Variants in PCDH15 observed in about 807,000 individuals in gnomAD.
PCDH15 encodes the protein protocadherin related 15, also known as protocadherin-15.
In PCDH15, 129 loss-of-function variants were observed where a neutral mutation model predicts 178.5. That is an observed-to-expected ratio of 0.72 (90% CI 0.63 to 0.84). The LOEUF is 0.84. Ranked by LOEUF, PCDH15 falls within the 40% of genes least tolerant of loss-of-function variation. The pLI is 0.00. For missense variants in PCDH15, 2,230 were observed against 2,099.9 expected (o/e 1.06, Z -1.21); for synonymous variants, 800 against 732.0 (o/e 1.09, Z -1.50).
chr10:54,479,922 C>T (rs896449365), intron 3 of PCDH15, among the ~76,000 whole-genome samples: 1 of 152,010 alleles, frequency 6.6e-6, no homozygotes, highest in African/African-American at 2.4e-5. Context: ...AATAAGTACC[C>T]ATCTCCAGAA....
intron 1 of PCDH15, among the ~76,000 whole-genome samples, chr10:55,231,813 A>T (rs1841233140): frequency 6.6e-6 from 1 of 151,984 alleles, no homozygotes. Flanking sequence ...TAAATCTTAA[A>T]TTACATATCA....
At chr10:54,173,325 A>C (rs968708272) in intron 13 of PCDH15, among the ~76,000 whole-genome samples, 1 of 152,124 alleles carries the variant, frequency 6.6e-6, no homozygotes, top group Non-Finnish European at 1.5e-5. Context: ...GCAATACTTT[A>C]AATGCTCTAC....
intron 1 of PCDH15, among the ~76,000 whole-genome samples, chr10:54,716,588 T>C (rs2132433287): frequency 6.6e-6 from 1 of 152,154 alleles, no homozygotes; most frequent in African/African-American, 2.4e-5. Context: ...TAAGAATGCT[T>C]GTGATTTTTG....
At chr10:53,862,719 C>T (rs1377137020) in intron 27 of PCDH15, among the ~76,000 whole-genome samples, 3 of 152,098 alleles carry the variant, frequency 2.0e-5, no homozygotes, top group East Asian at 1.9e-4. Context: ...CTAAGTTGCT[C>T]TTTCATATAA....
At chr10:55,114,416 G>T (rs1837581445) in intron 2 of PCDH15, among the ~76,000 whole-genome samples, 1 of 152,164 alleles carries the variant, frequency 6.6e-6, no homozygotes, top group African/African-American at 2.4e-5. Context: ...CAAAAAGTAA[G>T]GAAGAATGAT....
chr10:55,481,157 G>A (rs1177201507), intron 2 of PCDH15, among the ~76,000 whole-genome samples: 4 of 151,712 alleles, frequency 2.6e-5, no homozygotes, highest in Non-Finnish European at 5.9e-5. Flanking sequence ...ATGGTTGTTT[G>A]TATTTCTGTG....
At chr10:54,648,004 C>T (rs2094169699) in intron 2 of PCDH15, among the ~76,000 whole-genome samples, 1 of 152,066 alleles carries the variant, frequency 6.6e-6, no homozygotes, top group Non-Finnish European at 1.5e-5. Context: ...TCTCTTGAGC[C>T]CTCTCCAAAC....
chr10:54,941,821 G>A (rs74344573), intron 2 of PCDH15, among the ~76,000 whole-genome samples: 287 of 151,920 alleles, frequency 1.9e-3, no homozygotes, highest in African/African-American at 6.5e-3. Flanking sequence ...TTTCCCCCCC[G>A]TATTGTACAA....
At chr10:53,964,068 G>A (rs2088673091) in intron 21 of PCDH15, among the ~76,000 whole-genome samples, 1 of 152,090 alleles carries the variant, frequency 6.6e-6, no homozygotes, top group Admixed American at 6.5e-5. Flanking sequence ...GCTTTGCCAA[G>A]GCAATAGTCC....
chr10:55,464,277 T>G (rs1481136978), intron 2 of PCDH15, among the ~76,000 whole-genome samples: 1 of 152,128 alleles, frequency 6.6e-6, no homozygotes, highest in Non-Finnish European at 1.5e-5. Flanking sequence ...ATCATAAAGA[T>G]GAATTGAGAT....
At chr10:55,554,178 C>T (rs925657409) in intron 2 of PCDH15, among the ~76,000 whole-genome samples, 1 of 152,078 alleles carries the variant, frequency 6.6e-6, no homozygotes, top group Non-Finnish European at 1.5e-5. Context: ...AGAAGACTGG[C>T]ATACATTCTC....
At chr10:55,627,875 T>C (rs1837565319) in exon 1 of PCDH15, 1 of 152,418 alleles carries the variant, frequency 6.6e-6, no homozygotes, top group Non-Finnish European at 1.5e-5. Flanking sequence ...CCAGCTCTTT[T>C]CGTCTGGCAA....
intron 2 of PCDH15, among the ~76,000 whole-genome samples, chr10:55,625,986 G>A (rs2132176929): frequency 6.6e-6 from 1 of 152,212 alleles, no homozygotes; most frequent in South Asian, 2.1e-4. Flanking sequence ...CCCAGGAAAT[G>A]TATAAACTAT....
intron 14 of PCDH15, 85 bp from the exon 15 acceptor site, chr10:54,133,092 T>A: frequency 6.3e-7 from 1 of 1,578,198 alleles, no homozygotes. Context: ...AGTTGTTGGG[T>A]TTACAGGAGA....
chr10:55,523,597 C>T (rs986977012), intron 2 of PCDH15, among the ~76,000 whole-genome samples: 1 of 151,576 alleles, frequency 6.6e-6, no homozygotes, highest in Non-Finnish European at 1.5e-5. Flanking sequence ...CCAATTATTT[C>T]TGTCTATCTG....
At chr10:54,460,566 G>A (rs2077103837) in intron 3 of PCDH15, among the ~76,000 whole-genome samples, 1 of 151,998 alleles carries the variant, frequency 6.6e-6, no homozygotes, top group Non-Finnish European at 1.5e-5. Flanking sequence ...CATGGAGCGG[G>A]AATCCCAGTT....
At chr10:54,129,291 A>T (rs2042232803) in intron 15 of PCDH15, among the ~76,000 whole-genome samples, 1 of 152,210 alleles carries the variant, frequency 6.6e-6, no homozygotes. Flanking sequence ...TAAACGATCA[A>T]TACATATTAT....
At chr10:55,614,169 T>A (rs1843429424) in intron 2 of PCDH15, among the ~76,000 whole-genome samples, 1 of 151,994 alleles carries the variant, frequency 6.6e-6, no homozygotes, top group African/African-American at 2.4e-5. Context: ...ATGATTTAAA[T>A]TTTACTTTAG....
intron 7 of PCDH15, among the ~76,000 whole-genome samples, chr10:54,318,991 A>C (rs564916868): frequency 7.2e-5 from 11 of 152,138 alleles, no homozygotes; most frequent in Non-Finnish European, 1.6e-4. Flanking sequence ...TAGAAATGTA[A>C]ATTGTTTATA....
Sources: allele counts gnomAD v4.1 joint callset (sites outside exome capture counted in the v4.1 genomes callset), GRCh38; gene constraint gnomAD v4.1.1; transcripts MANE v1.5; gene names NCBI Gene and HGNC (gene_info 2026-07-23, HGNC 2026-07-21).